ARHGAP8: variants seen among roughly 807,000 people sequenced by gnomAD.
ARHGAP8 encodes Rho GTPase activating protein 8.
Under a neutral mutation model 46.1 loss-of-function variants are expected in ARHGAP8, and 62 were observed. The observed-to-expected ratio is 1.34, with a 90% CI of 1.10 to 1.66. The LOEUF (loss-of-function observed/expected upper bound fraction) is 1.66. Among genes scored for constraint, ARHGAP8 ranks in the 40% most tolerant of loss-of-function variants. ARHGAP8 has a pLI of 0.00. For missense variants in ARHGAP8, 923 were observed against 568.4 expected (o/e 1.62, Z -6.34); for synonymous variants, 375 against 243.1 (o/e 1.54, Z -5.05).
chr22:44,830,746 C>T (rs1221996635), intron 7 of ARHGAP8, among the ~76,000 whole-genome samples: 1 of 152,048 alleles, frequency 6.6e-6, no homozygotes, highest in African/African-American at 2.4e-5. Context: ...ACCATGTTGG[C>T]CAGGCTGGTC....
intron 7 of ARHGAP8, among the ~76,000 whole-genome samples, chr22:44,834,224 G>A (rs1229954042): frequency 6.6e-6 from 1 of 151,962 alleles, no homozygotes; most frequent in Admixed American, 6.6e-5. Flanking sequence ...GTTTTTTAAG[G>A]TGGAATGTTT....
chr22:44,845,759 T>C (rs1369495462), intron 8 of ARHGAP8, among the ~76,000 whole-genome samples: 1 of 152,002 alleles, frequency 6.6e-6, no homozygotes, highest in African/African-American at 2.4e-5. Flanking sequence ...GCCAGTAGGG[T>C]GGGTGCAGTC....
Position 44,862,321 on chromosome 22 carries a change from C to T in ARHGAP8, c.1028C>T (p.Ala343Val), listed in dbSNP as rs574596304. The change falls in exon 12 of 12, where the codon GCC becomes GTC. Residue 343 changes from alanine (A) to valine (V), a missense_variant. Transcript: ENST00000356099. ...IFNKMNSSNL[A>V]CVFGLNLIWP... ...AACAAAATGAACAGCTCTAACCTGG[C>T]CTGTGTCTTCGGGCTGAATTTGATC... 3 of 1,613,636 alleles carry T rather than the reference C, an allele frequency of 1.9e-6. No homozygotes were observed. Among genetic ancestry groups the T allele is most frequent in the Admixed American group, 1.7e-5 (1 of 60,004 alleles).
chr22:44,792,888 A>G (rs561732559), intron 2 of ARHGAP8, among the ~76,000 whole-genome samples: 58 of 151,662 alleles, frequency 3.8e-4, no homozygotes, highest in Non-Finnish European at 7.1e-4. Context: ...CAGTGGCGCA[A>G]TCTCGGCTCA....
At chr22:44,858,906 A>G (rs909016057) in intron 10 of ARHGAP8, among the ~76,000 whole-genome samples, 6 of 151,694 alleles carry the variant, frequency 4.0e-5, no homozygotes, top group South Asian at 2.1e-4. Flanking sequence ...TAAATATGTT[A>G]GGCTTTGTGG....
intron 10 of ARHGAP8, among the ~76,000 whole-genome samples, chr22:44,855,376 G>T (rs2070195457): frequency 6.6e-6 from 1 of 151,720 alleles, no homozygotes; most frequent in African/African-American, 2.4e-5. Flanking sequence ...TGTTGCCCAG[G>T]CTGGTTTCAA....
At chr22:44,769,518 G>A (rs2091849173) in intron 1 of ARHGAP8, among the ~76,000 whole-genome samples, 2 of 152,196 alleles carry the variant, frequency 1.3e-5, no homozygotes, top group Admixed American at 6.5e-5. Flanking sequence ...GATTGGGATT[G>A]TGTTTGAATC....
intron 4 of ARHGAP8, chr22:44,809,261 T>A: frequency 2.3e-6 from 1 of 440,784 alleles, no homozygotes; most frequent in Non-Finnish European, 4.7e-6. Context: ...TTTTCACGTG[T>A]CATGAAATAT....
rs1453874196 is a variant in ARHGAP8 at position 44,777,788 on chromosome 22, C to T, written c.-71-8669C>T. On this transcript the variant is annotated intron_variant, in intron 1 of 11. Coordinates refer to ENST00000356099, the MANE Select transcript of ARHGAP8 (RefSeq NM_181335.3). ...TTGGCTCACTGCAACCTCCGCCTCC[C>T]GGGCTCAAGCGGTTCTCCTGCCTGA... Among the ~76,000 whole-genome samples, 5 of 152,178 alleles carry T rather than the reference C, an allele frequency of 3.3e-5. No homozygotes were observed. In the South Asian group the frequency reaches 6.2e-4, roughly 19 times the overall value.
At chr22:44,786,773 G>A (rs935414077) in intron 2 of ARHGAP8, among the ~76,000 whole-genome samples, 167 bp downstream of exon 2, 1 of 152,146 alleles carries the variant, frequency 6.6e-6, no homozygotes, top group Non-Finnish European at 1.5e-5. Context: ...CTAGCACTTT[G>A]TGAGGCCAAA....
At chr22:44,860,313 T>C (rs1435073031) in intron 11 of ARHGAP8, among the ~76,000 whole-genome samples, 2 of 152,228 alleles carry the variant, frequency 1.3e-5, no homozygotes, top group Admixed American at 6.5e-5. Flanking sequence ...AGGCTAGCAG[T>C]CCAAAAGCAA....
intron 1 of ARHGAP8, among the ~76,000 whole-genome samples, chr22:44,781,572 G>A (rs1255740758): frequency 6.6e-6 from 1 of 152,150 alleles, no homozygotes; most frequent in Non-Finnish European, 1.5e-5. Flanking sequence ...TGCCCAAGCT[G>A]GAGTGCGATG....
chr22:44,851,362 G>T (rs998814983), intron 10 of ARHGAP8, among the ~76,000 whole-genome samples: 1 of 151,932 alleles, frequency 6.6e-6, no homozygotes, highest in African/African-American at 2.4e-5. Flanking sequence ...TTTATTTAAT[G>T]TAAGTTTTAC....
intron 1 of ARHGAP8, among the ~76,000 whole-genome samples, chr22:44,781,669 C>T (rs1236214240): frequency 2.2e-5 from 3 of 134,262 alleles, no homozygotes; most frequent in African/African-American, 5.7e-5. Flanking sequence ...ATTACAGGTG[C>T]GTGCCACCAC....
chr22:44,802,102 T>A lies in ARHGAP8; in HGVS notation c.105T>A (p.Val35=). Reference sequence around the variant, plus strand: ...GGGATGACCGCTTTGGAAGACGTGTTGTCACGTTCAGCTGCTGCCGGATGC... The same window carrying A: ...GGGATGACCGCTTTGGAAGACGTGTAGTCACGTTCAGCTGCTGCCGGATGC... The part of the protein sequence containing the change: ...VAGDDRFGRR[V]VTFSCCRMPP... Residue 35 remains valine, a synonymous_variant, in exon 3 of 12, where the codon GTT becomes GTA. Transcript: ENST00000356099. 6.2e-7 allele frequency: 1 copy of A among 1,614,128 alleles called. No homozygotes were observed. The highest frequency in any genetic ancestry group is 8.5e-7 in the Non-Finnish European group (1 of 1,179,974).
chr22:44,837,566 G>A (rs956619214), intron 7 of ARHGAP8, among the ~76,000 whole-genome samples: 18 of 152,120 alleles, frequency 1.2e-4, no homozygotes, highest in African/African-American at 2.7e-4. Flanking sequence ...ACGATTCACC[G>A]GCGCCCTGGG....
Position 44,822,352 on chromosome 22 carries a change from C to T in ARHGAP8, c.387-19C>T, listed in dbSNP as rs531197697. The T allele has an allele frequency of 3.2e-6, 5 of 1,575,758 alleles. No homozygotes were observed. The highest frequency in any genetic ancestry group is 4.8e-5 in the East Asian group (2 of 41,752). ...CTGGCGCCTAATCGTTCTTTATTCT[C>T]TTGCTTCTGCTTTCTTAGTCACAAG... On this transcript the variant is annotated intron_variant, in intron 5 of 11. Coordinates refer to ENST00000356099, the MANE Select transcript of ARHGAP8 (RefSeq NM_181335.3).
chr22:44,858,298 C>G (rs559764072), intron 10 of ARHGAP8, among the ~76,000 whole-genome samples: 1 of 151,122 alleles, frequency 6.6e-6, no homozygotes, highest in African/African-American at 2.4e-5. Context: ...TGGCTGAGTG[C>G]ACACATGTGC....
chr22:44,777,869 T>A (rs1926537411), intron 1 of ARHGAP8, among the ~76,000 whole-genome samples: 1 of 152,128 alleles, frequency 6.6e-6, no homozygotes, highest in Admixed American at 6.5e-5. Flanking sequence ...CTAATTTTTG[T>A]ATTTTTAGTA....
Sources: gnomAD v4.1 joint callset for allele counts (sites outside exome capture counted in the v4.1 genomes callset) on GRCh38, gnomAD v4.1.1 for gene constraint, MANE v1.5 for transcripts, NCBI Gene and HGNC (gene_info 2026-07-23, HGNC 2026-07-21) for gene names.